Variants in CNBD1 observed in about 807,000 individuals in gnomAD.
The protein encoded by CNBD1 is cyclic nucleotide-binding domain-containing protein 1.
CNBD1 carries 71 observed loss-of-function variants against 54.4 expected under a neutral mutation model. That is an observed-to-expected ratio of 1.30 (90% CI 1.08 to 1.59). The LOEUF is 1.59. Ranked by LOEUF, CNBD1 falls within the 40% of genes most tolerant of loss-of-function variation. The probability of loss-of-function intolerance (pLI) is 0.00; values close to 1 mark genes in which losing one functional copy is unlikely to be tolerated. For missense variants in CNBD1, 659 were observed against 518.0 expected, an observed-to-expected ratio of 1.27 and a Z score of -2.64; for synonymous variants, 182 against 170.7, an observed-to-expected ratio of 1.07 and a Z score of -0.51.
At chr8:87,189,568 A>G (rs928053839) in intron 4 of CNBD1, among the ~76,000 whole-genome samples, 2 of 152,196 alleles carry the variant, frequency 1.3e-5, no homozygotes, top group Non-Finnish European at 2.9e-5. Context: ...ATGTAAAAAA[A>G]TTAGTAATCT....
rs781417390 is a variant in CNBD1 at position 87,206,087 on chromosome 8, A to G, written c.526A>G (p.Lys176Glu). The G allele has an allele frequency of 8.7e-6, 14 of 1,606,084 alleles. No homozygotes were observed. The highest frequency in any genetic ancestry group is 1.2e-5 in the Non-Finnish European group (14 of 1,176,274). The change falls in exon 5 of 11, where the codon AAA becomes GAA. Residue 176 changes from lysine (K) to glutamate (E), a missense_variant. Lys to Glu is a moderately conservative substitution (Grantham distance 56). Transcript: ENST00000518476. Reference sequence around the variant, plus strand: ...CTTTCAGCTAAATGATAAGCATCTGAAAACACTTAGTAAGACTGTCTTTTC... The same window carrying G: ...CTTTCAGCTAAATGATAAGCATCTGGAAACACTTAGTAAGACTGTCTTTTC... ...LTFQLNDKHL[K>E]TLSKTVFSET...
intron 8 of CNBD1, among the ~76,000 whole-genome samples, chr8:87,324,372 G>A (rs2130903115): frequency 7.9e-6 from 1 of 127,094 alleles, no homozygotes; most frequent in Admixed American, 7.6e-5. Flanking sequence ...AATTTCAGAA[G>A]GAATGGTACC....
Position 87,211,403 on chromosome 8 carries a change from A to T in CNBD1, c.577+5265A>T, listed in dbSNP as rs1814095319. ...GATAATTTTATTTTGGAATGTGAGA[A>T]GAATATGAGATTTGGGGGCCAGGGG... On this transcript the variant is annotated intron_variant, in intron 5 of 10. Coordinates refer to ENST00000518476, the MANE Select transcript of CNBD1 (RefSeq NM_173538.3). Among the ~76,000 whole-genome samples, 4 of 152,130 alleles carry T rather than the reference A, an allele frequency of 2.6e-5. 1 individual carries two copies. In the South Asian group the frequency reaches 8.3e-4, roughly 32 times the overall value.
intron 4 of CNBD1, among the ~76,000 whole-genome samples, chr8:86,971,088 T>A (rs976404838): frequency 2.2e-4 from 33 of 152,184 alleles, no homozygotes; most frequent in African/African-American, 7.7e-4. Context: ...ATTCTGTGTA[T>A]TAGTTTGTTT....
At chr8:86,923,202 A>T (rs375105139) in intron 3 of CNBD1, among the ~76,000 whole-genome samples, 26 of 152,154 alleles carry the variant, frequency 1.7e-4, no homozygotes, top group African/African-American at 5.8e-4. Context: ...CCAGTTACAA[A>T]GTTTTCTAAG....
chr8:87,094,889 A>T (rs747429239), intron 4 of CNBD1, among the ~76,000 whole-genome samples: 1 of 152,196 alleles, frequency 6.6e-6, no homozygotes, highest in Non-Finnish European at 1.5e-5. Context: ...AATACAAAAA[A>T]TTAGCTGGGC....
At chr8:86,902,968 G>A (rs866455253) in intron 2 of CNBD1, among the ~76,000 whole-genome samples, 2 of 152,012 alleles carry the variant, frequency 1.3e-5, no homozygotes, top group African/African-American at 2.4e-5. Context: ...GACATATGTT[G>A]TTGTTTCAAT....
intron 2 of CNBD1, among the ~76,000 whole-genome samples, chr8:87,393,272 T>C (rs1811346140): frequency 1.3e-5 from 2 of 151,878 alleles, no homozygotes; most frequent in South Asian, 4.1e-4. Context: ...GACTCAAGCA[T>C]AGGTCATACT....
chr8:86,904,895 C>T (rs1808993018), intron 2 of CNBD1, among the ~76,000 whole-genome samples, 186 bp from the exon 3 acceptor site: 1 of 151,914 alleles, frequency 6.6e-6, no homozygotes, highest in African/African-American at 2.4e-5. Context: ...TTTTGTATTT[C>T]TTAAAATGTT....
chr8:87,188,820 CTTTT>C (rs33963727), intron 4 of CNBD1, among the ~76,000 whole-genome samples: 6 of 128,600 alleles, frequency 4.7e-5, no homozygotes, highest in Admixed American at 7.8e-5. Flanking sequence ...AGTAAAGCGT[CTTTT>C]TTTTTTTTTT....
intron 4 of CNBD1, among the ~76,000 whole-genome samples, chr8:87,146,380 A>C (rs1358608267): frequency 6.6e-6 from 1 of 152,166 alleles, no homozygotes; most frequent in Non-Finnish European, 1.5e-5. Flanking sequence ...AATATGTGTT[A>C]TGACACTTGC....
chr8:86,965,060 C>T (rs1023969328), intron 4 of CNBD1, among the ~76,000 whole-genome samples: 3 of 152,164 alleles, frequency 2.0e-5, no homozygotes, highest in East Asian at 3.9e-4. Context: ...AGTTTACATA[C>T]AGATACCAAG....
intron 8 of CNBD1, among the ~76,000 whole-genome samples, chr8:87,310,724 C>T (rs1809246696): frequency 6.6e-6 from 1 of 152,128 alleles, no homozygotes; most frequent in South Asian, 2.1e-4. Flanking sequence ...CATGACCAGA[C>T]TTCAAACTGT....
intron 8 of CNBD1, among the ~76,000 whole-genome samples, chr8:87,292,260 A>G (rs1808802204): frequency 6.6e-6 from 1 of 152,202 alleles, no homozygotes; most frequent in African/African-American, 2.4e-5. Flanking sequence ...TAAACTCACA[A>G]TCCTGAGAGA....
At chr8:87,388,777 A>C (rs142861972) in intron 2 of CNBD1, among the ~76,000 whole-genome samples, 1 of 152,320 alleles carries the variant, frequency 6.6e-6, no homozygotes, top group Admixed American at 6.5e-5. Context: ...CTGATACCAA[A>C]GCCGGGCAGA....
intron 4 of CNBD1, among the ~76,000 whole-genome samples, chr8:87,072,020 A>G (rs922599067): frequency 6.6e-6 from 1 of 152,116 alleles, no homozygotes; most frequent in Non-Finnish European, 1.5e-5. Flanking sequence ...TATATTTAGG[A>G]CACTTAGTTC....
In CNBD1 at chr8:87,353,888, T is replaced by G. The variant is rs113499518; in HGVS notation, c.1303+102T>G. The stretch of plus-strand genomic sequence containing the variant: ...ATTAATCAGATGCATATTTATTAAA[T>G]TGGGGTTCACCTGCAAAGGATGGAG... On this transcript the variant is annotated intron_variant, in intron 10 of 10. Coordinates refer to ENST00000518476, the MANE Select transcript of CNBD1 (RefSeq NM_173538.3). 7.1e-3 allele frequency: 5,483 copies of G among 774,232 alleles called. 209 individuals are homozygous for G. In the African/African-American group the frequency reaches 0.081, roughly 11 times the overall value. 48.0% of individuals were successfully genotyped at this position (774,232 alleles called of 1,614,324 possible).
chr8:87,260,339 C>T (rs780611778), intron 6 of CNBD1, among the ~76,000 whole-genome samples: 6 of 152,136 alleles, frequency 3.9e-5, no homozygotes, highest in Non-Finnish European at 8.8e-5. Context: ...TTGTTTATTT[C>T]AGGGACCTGC....
At chr8:87,258,882 C>T (rs1213164385) in intron 6 of CNBD1, among the ~76,000 whole-genome samples, 1 of 152,120 alleles carries the variant, frequency 6.6e-6, no homozygotes, top group African/African-American at 2.4e-5. Flanking sequence ...TGAATATTTT[C>T]ACACAGAGTG....
Sources: allele counts gnomAD v4.1 joint callset (sites outside exome capture counted in the v4.1 genomes callset), GRCh38; gene constraint gnomAD v4.1.1; transcripts MANE v1.5; gene names NCBI Gene and HGNC (gene_info 2026-07-23, HGNC 2026-07-21).